MALSU1: variants seen among roughly 807,000 people sequenced by gnomAD.
The protein encoded by MALSU1 is mitochondrial assembly of ribosomal large subunit protein 1.
In MALSU1, 22 loss-of-function variants were observed where a neutral mutation model predicts 22.1. That is an observed-to-expected ratio of 1.00 (90% CI 0.71 to 1.42). The LOEUF is 1.42. MALSU1 is among the 40% of genes most tolerant of loss of function. The probability of loss-of-function intolerance (pLI) is 0.00; values close to 1 mark genes in which losing one functional copy is unlikely to be tolerated. For synonymous variants in MALSU1, 153 were observed against 118.5 expected, an observed-to-expected ratio of 1.29 and a Z score of -1.89; for missense variants, 379 against 308.3, an observed-to-expected ratio of 1.23 and a Z score of -1.72.
At position 23,309,619 on chromosome 7, in the gene MALSU1, G is replaced by A. The variant is rs1041514598; in HGVS notation, c.*76G>A. ...TTGGAAAATACAGCTCCTAAAGTCC[G>A]TCTCCTTGGTTAGGCTGCTCTTAGG... is the stretch of plus-strand genomic sequence containing the variant. On this transcript the variant is annotated 3_prime_UTR_variant, in exon 4 of 4. Coordinates refer to ENST00000466681, the MANE Select transcript of MALSU1 (RefSeq NM_138446.2). The A allele has an allele frequency of 5.1e-5, 62 of 1,212,212 alleles. No homozygotes were observed. In the South Asian group the frequency reaches 6.8e-4, roughly 13 times the overall value. 75.1% of individuals were successfully genotyped at this position (1,212,212 alleles called of 1,614,324 possible). A position where few individuals can be genotyped will look rare whatever the true frequency, so the allele number is the denominator to read the frequency against.
rs1783778961 is a variant in MALSU1, at chr7:23,309,616, T to G, written c.*73T>G. On this transcript the variant is annotated 3_prime_UTR_variant, in exon 4 of 4. Coordinates refer to ENST00000466681, the MANE Select transcript of MALSU1 (RefSeq NM_138446.2). ...TTATTGGAAAATACAGCTCCTAAAGTCCGTCTCCTTGGTTAGGCTGCTCTT... is the reference window on the plus strand; with the variant it reads ...TTATTGGAAAATACAGCTCCTAAAGGCCGTCTCCTTGGTTAGGCTGCTCTT... The G allele has an allele frequency of 8.0e-7, 1 of 1,248,542 alleles. No homozygotes were observed. The highest frequency in any genetic ancestry group is 2.5e-5 in the East Asian group (1 of 40,522). 77.3% of individuals were successfully genotyped at this position (1,248,542 alleles called of 1,614,324 possible). A position where few individuals can be genotyped will look rare whatever the true frequency, so the allele number is the denominator to read the frequency against.
intron 2 of MALSU1, among the ~76,000 whole-genome samples, chr7:23,302,533 A>G (rs1426600788): frequency 5.3e-5 from 8 of 152,238 alleles, no homozygotes; most frequent in Admixed American, 2.6e-4. Context: ...CTAGGAAAGC[A>G]TAAAGAAGAG....
rs1056561921 is a variant in MALSU1, at chr7:23,311,164, T to C, written c.*1621T>C. 6 of 152,164 alleles carry C rather than the reference T, an allele frequency of 3.9e-5. No homozygotes were observed. The highest frequency in any genetic ancestry group is 1.4e-4 in the African/African-American group (6 of 41,430). The allele number at this position is 152,164 out of a possible 1,614,324, so 9.4% of individuals were successfully genotyped here. On this transcript the variant is annotated 3_prime_UTR_variant, in exon 4 of 4. Coordinates refer to ENST00000466681, the MANE Select transcript of MALSU1 (RefSeq NM_138446.2). Reference sequence around the variant, plus strand: ...CTTAAAAATCTTCAAAATAGCTTAGTGAGGCTCATGACAGTGCTGGCCCCA... The same window carrying C: ...CTTAAAAATCTTCAAAATAGCTTAGCGAGGCTCATGACAGTGCTGGCCCCA...
chr7:23,299,388 C>T lies in MALSU1; in HGVS notation c.36C>T (p.Ala12=). ...GCGGCCGTGTGGCGCGGCTGCTCGC[C>T]CCACTAATGTGGCGCAGGGCGGTTT... ...GPGGRVARLL[A]PLMWRRAVSS... The change falls in exon 1 of 4, where the codon GCC becomes GCT. Residue 12 remains alanine, a synonymous_variant. Coordinates refer to ENST00000466681, the MANE Select transcript of MALSU1 (RefSeq NM_138446.2). The T allele has an allele frequency of 1.9e-6, 3 of 1,594,374 alleles. No individual in the cohort carries two copies. Among genetic ancestry groups the T allele is most frequent in the East Asian group, 2.2e-5 (1 of 44,648 alleles).
At chr7:23,307,783 C>A (rs539717210) in intron 2 of MALSU1, 85 bp from the exon 3 acceptor site, 37,233 of 825,226 alleles carry the variant, frequency 0.045, 3,001 homozygotes, top group African/African-American at 0.3. Context: ...AAAAAACAAA[C>A]AAACAAACAA....
At chr7:23,306,019 A>G (rs948235888) in intron 2 of MALSU1, among the ~76,000 whole-genome samples, 1 of 151,790 alleles carries the variant, frequency 6.6e-6, no homozygotes, top group Admixed American at 6.6e-5. Context: ...ACATGGAGAA[A>G]CCCCGTCTCT....
At position 23,309,555 on chromosome 7, in the gene MALSU1, C is replaced by G; in HGVS notation, c.*12C>G. ...TAAAATGTGAATAAAATATTTTATG[C>G]ACTGCGTTAGTCATTTCAGATTTGG... On this transcript the variant is annotated 3_prime_UTR_variant, in exon 4 of 4. Coordinates refer to ENST00000466681, the MANE Select transcript of MALSU1 (RefSeq NM_138446.2). 2 of 1,578,198 alleles carry G rather than the reference C, an allele frequency of 1.3e-6. No individual in the cohort carries two copies. The highest frequency in any genetic ancestry group is 1.7e-6 in the Non-Finnish European group (2 of 1,164,320).
rs1223009994 is a variant in MALSU1, at chr7:23,311,601, C to CA, written c.*2064dup. 6.6e-6 allele frequency: 1 copy of CA among 152,314 alleles called. No homozygotes were observed. Among genetic ancestry groups the CA allele is most frequent in the Non-Finnish European group, 1.5e-5 (1 of 68,010 alleles). The allele number at this position is 152,314 out of a possible 1,614,324, so 9.4% of individuals were successfully genotyped here. A position where few individuals can be genotyped will look rare whatever the true frequency, so the allele number is the denominator to read the frequency against. ...TAACTAATAACTGTGTCAAAAGCCT[C>CA]AAAAAACCCTGAAATTAATTTTCCA... On this transcript the variant is annotated 3_prime_UTR_variant, in exon 4 of 4. Transcript: ENST00000466681.
At chr7:23,303,329 G>A (rs1256988509) in intron 2 of MALSU1, among the ~76,000 whole-genome samples, 1 of 152,152 alleles carries the variant, frequency 6.6e-6, no homozygotes, top group Admixed American at 6.5e-5. Flanking sequence ...ATGTCTTCAA[G>A]GTTCATCCAT....
intron 2 of MALSU1, among the ~76,000 whole-genome samples, chr7:23,302,309 A>C (rs1783658803): frequency 6.6e-6 from 1 of 152,000 alleles, no homozygotes; most frequent in Non-Finnish European, 1.5e-5. Flanking sequence ...CCTCTAGCTG[A>C]CTCTGGTACC....
chr7:23,309,323 T>G, intron 3 of MALSU1, 33 bp from the exon 4 acceptor site: 1 of 1,562,848 alleles, frequency 6.4e-7, no homozygotes, highest in Non-Finnish European at 8.7e-7. Context: ...AATGAACTAT[T>G]CCTTCATTGT....
intron 2 of MALSU1, 176 bp from the exon 3 acceptor site, chr7:23,307,691 AG>A (rs1783738928): frequency 7.5e-6 from 4 of 536,590 alleles, no homozygotes. Flanking sequence ...AAAGTGAATA[AG>A]ATTTAGAGGG....
intron 2 of MALSU1, among the ~76,000 whole-genome samples, chr7:23,304,176 T>C (rs550318072): frequency 6.6e-6 from 1 of 152,332 alleles, no homozygotes; most frequent in South Asian, 2.1e-4. Flanking sequence ...ATGGGATTGC[T>C]GGATCATATA....
chr7:23,308,051 T>C (rs1167710928), intron 3 of MALSU1, 102 bp downstream of exon 3: 1 of 948,774 alleles, frequency 1.1e-6, no homozygotes, highest in African/African-American at 1.6e-5. Flanking sequence ...TGAATGTATT[T>C]CCAGGTAAGA....
chr7:23,307,333 C>G (rs1052441147), intron 2 of MALSU1, among the ~76,000 whole-genome samples: 1 of 152,136 alleles, frequency 6.6e-6, no homozygotes, highest in East Asian at 1.9e-4. Flanking sequence ...TATGAGATGT[C>G]CTTTGTCTCT....
chr7:23,307,633 G>A, intron 2 of MALSU1: 1 of 422,590 alleles, frequency 2.4e-6, no homozygotes, highest in Non-Finnish European at 4.2e-6. Context: ...GAATGAATGG[G>A]GTGACCCTCT....
In MALSU1 at chr7:23,299,352, T is replaced by A; in HGVS notation, c.-1T>A. ...CGCGACGCCGACGCAAGGCTGCTGC[T>A]ATGGGGCCGGGCGGCCGTGTGGCGC... On this transcript the variant is annotated 5_prime_UTR_variant, in exon 1 of 4. Transcript: ENST00000466681. The A allele has an allele frequency of 2.5e-6, 4 of 1,568,646 alleles. No homozygotes were observed. Among genetic ancestry groups the A allele is most frequent in the South Asian group, 2.3e-5 (2 of 86,968 alleles).
In MALSU1 at chr7:23,307,952, A is replaced by G; in HGVS notation, c.517+3A>G. On this transcript the variant is annotated splice_donor_region_variant and intron_variant, in intron 3 of 3. Transcript: ENST00000466681. ...TGACTGGCTGTGCGTGGATTTTGGT[A>G]AGTTATTCTGGCGTATTTTACAGGT... 6.2e-7 allele frequency: 1 copy of G among 1,608,484 alleles called. No homozygotes were observed. The highest frequency in any genetic ancestry group is 1.1e-5 in the South Asian group (1 of 90,952).
In MALSU1 at chr7:23,310,770, AAAT is replaced by A. The variant is rs1174997413; in HGVS notation, c.*1230_*1232del. On this transcript the variant is annotated 3_prime_UTR_variant, in exon 4 of 4. Coordinates refer to ENST00000466681, the MANE Select transcript of MALSU1 (RefSeq NM_138446.2). ...CTAGTCTGTATAGAAATTCATCTTG[AAAT>A]AAGAATGAGGCAGTGATTTTTTTTT... The A allele has an allele frequency of 2.0e-5, 3 of 151,598 alleles. No homozygotes were observed. The highest frequency in any genetic ancestry group is 4.4e-5 in the Non-Finnish European group (3 of 68,012). The allele number at this position is 151,598 out of a possible 1,614,324, so 9.4% of individuals were successfully genotyped here. A position where few individuals can be genotyped will look rare whatever the true frequency, so the allele number is the denominator to read the frequency against.
Sources: allele counts gnomAD v4.1 joint callset (sites outside exome capture counted in the v4.1 genomes callset), GRCh38; gene constraint gnomAD v4.1.1; transcripts MANE v1.5; gene names NCBI Gene and HGNC (gene_info 2026-07-23, HGNC 2026-07-21).